DCLK1: variants seen among roughly 807,000 people sequenced by gnomAD.
DCLK1 encodes the protein serine/threonine-protein kinase DCLK1.
Under a neutral mutation model 86.2 loss-of-function variants are expected in DCLK1, and 16 were observed. The observed-to-expected ratio is 0.19, with a 90% CI of 0.13 to 0.28. The LOEUF (loss-of-function observed/expected upper bound fraction) is 0.28. Among genes scored for constraint, DCLK1 ranks in the 10% least tolerant of loss-of-function variants. DCLK1 has a pLI of 1.00. For synonymous variants in DCLK1, 369 were observed against 370.5 expected, an observed-to-expected ratio of 1.00 and a Z score of 0.05; for missense variants, 590 against 940.2, an observed-to-expected ratio of 0.63 and a Z score of 4.87.
At position 35,856,274 on chromosome 13, in the gene DCLK1, G is replaced by A. The variant is rs373219906; in HGVS notation, c.941-1681C>T. ...TCTTTGCTGAGTGAACTTCACGCTC[G>A]GACCTCATCACATTAGACTTCCTCA... On this transcript the variant is annotated intron_variant, in intron 5 of 16. Transcript: ENST00000360631. Among the ~76,000 whole-genome samples the A allele has an allele frequency of 7.5e-4, 114 of 152,216 alleles. 1 individual carries two copies. Among genetic ancestry groups the A allele is most frequent in the Non-Finnish European group, 1.4e-3 (96 of 68,026 alleles).
At chr13:36,114,172 G>A (rs1302192155) in intron 2 of DCLK1, among the ~76,000 whole-genome samples, 1 of 152,172 alleles carries the variant, frequency 6.6e-6, no homozygotes, top group African/African-American at 2.4e-5. Context: ...TAGCAACATG[G>A]AGTGAGTTTG....
At chr13:36,123,497 T>TTCAC (rs1440190635) in intron 2 of DCLK1, among the ~76,000 whole-genome samples, 1 of 152,256 alleles carries the variant, frequency 6.6e-6, no homozygotes, top group Non-Finnish European at 1.5e-5. Flanking sequence ...CGGCAGTTAC[T>TTCAC]TCACATTGAT....
At position 35,920,757 on chromosome 13, in the gene DCLK1, T is replaced by A. The variant is rs892454278; in HGVS notation, c.823+26601A>T. On this transcript the variant is annotated intron_variant, in intron 4 of 16. Transcript: ENST00000360631. Reference sequence around the variant, plus strand: ...GGGAGGTGCCGGGAGGAGGGACACCTGCTCTGGGGTCATCTCTAAGCAGCA... The same window carrying A: ...GGGAGGTGCCGGGAGGAGGGACACCAGCTCTGGGGTCATCTCTAAGCAGCA... 9.9e-5 allele frequency among the ~76,000 whole-genome samples: 15 copies of A among 152,094 alleles called. No individual in the cohort carries two copies. The East Asian group carries it at 2.9e-3, about 29-fold the overall frequency.
At chr13:35,853,851 A>C (rs1870847451) in intron 6 of DCLK1, among the ~76,000 whole-genome samples, 1 of 152,146 alleles carries the variant, frequency 6.6e-6, no homozygotes, top group South Asian at 2.1e-4. Context: ...AAAGACAAAC[A>C]GTACAGGTTG....
chr13:35,874,696 C>T (rs1217195525), intron 4 of DCLK1, among the ~76,000 whole-genome samples: 3 of 152,162 alleles, frequency 2.0e-5, no homozygotes, highest in Non-Finnish European at 2.9e-5. Flanking sequence ...ACATTAACAA[C>T]GTCAGAAAAT....
intron 4 of DCLK1, among the ~76,000 whole-genome samples, chr13:35,893,748 G>T (rs1386353365): frequency 6.6e-6 from 1 of 152,206 alleles, no homozygotes; most frequent in African/African-American, 2.4e-5. Context: ...CTGTGATGCT[G>T]CTGTGCTGCT....
At chr13:35,836,292 T>A (rs1456575356) in intron 7 of DCLK1, 151 bp from the exon 8 acceptor site, 1 of 645,846 alleles carries the variant, frequency 1.5e-6, no homozygotes, top group African/African-American at 1.8e-5. Flanking sequence ...TCCCCACCCT[T>A]GCTGACATTG....
intron 3 of DCLK1, among the ~76,000 whole-genome samples, chr13:35,949,478 A>G (rs996743360): frequency 1.3e-5 from 2 of 152,224 alleles, no homozygotes; most frequent in African/African-American, 4.8e-5. Context: ...TCTGCAGCTG[A>G]TAAATATTTC....
Position 36,083,712 on chromosome 13 carries a change from A to T in DCLK1, c.723+28157T>A, listed in dbSNP as rs138683380. On this transcript the variant is annotated intron_variant, in intron 3 of 16. Transcript: ENST00000360631. ...CCTTGAGTTTTCCCATTCATTTTTTAAAAATTTCAACAAATATTTATGGAA... is the reference window on the plus strand; with the variant it reads ...CCTTGAGTTTTCCCATTCATTTTTTTAAAATTTCAACAAATATTTATGGAA... 6.0e-3 allele frequency among the ~76,000 whole-genome samples: 909 copies of T among 152,312 alleles called. 8 individuals are homozygous for T. The highest frequency in any genetic ancestry group is 0.021 in the African/African-American group (855 of 41,568).
chr13:35,977,614 A>C (rs948678659), intron 3 of DCLK1, among the ~76,000 whole-genome samples: 11 of 152,084 alleles, frequency 7.2e-5, no homozygotes, highest in Admixed American at 6.6e-4. Context: ...ATTCCACACA[A>C]TACCTTGAAT....
At chr13:35,989,606 G>T (rs2153143455) in intron 3 of DCLK1, among the ~76,000 whole-genome samples, 1 of 151,768 alleles carries the variant, frequency 6.6e-6, no homozygotes, top group South Asian at 2.1e-4. Flanking sequence ...GCAGGGTCTT[G>T]CTTATAGCTC....
At chr13:35,893,966 A>G (rs1015851551) in intron 4 of DCLK1, among the ~76,000 whole-genome samples, 3 of 152,208 alleles carry the variant, frequency 2.0e-5, no homozygotes, top group Non-Finnish European at 4.4e-5. Context: ...CTGATGGTAC[A>G]ACATACATGA....
chr13:35,954,707 T>C (rs891669645), intron 3 of DCLK1, among the ~76,000 whole-genome samples: 1 of 152,116 alleles, frequency 6.6e-6, no homozygotes, highest in Non-Finnish European at 1.5e-5. Context: ...AAAGAATCTC[T>C]GGATCTTGGC....
At chr13:35,800,883 A>ATT (rs34873101) in intron 15 of DCLK1, among the ~76,000 whole-genome samples, 2,264 of 135,258 alleles carry the variant, frequency 0.017, 72 homozygotes, top group African/African-American at 0.06. Context: ...TGCTGGGCTA[A>ATT]TTTTTTTTTT....
In DCLK1 at chr13:36,068,601, A is replaced by G. The variant is rs137989385; in HGVS notation, c.723+43268T>C. Among the ~76,000 whole-genome samples the G allele has an allele frequency of 5.9e-3, 901 of 152,276 alleles. 9 individuals are homozygous for G. Among genetic ancestry groups the G allele is most frequent in the African/African-American group, 0.02 (850 of 41,572 alleles). ...AACAAATTCTCATAATTCTTTTCCA[A>G]AAATTCTATATTTAATAACTAGTTA... On this transcript the variant is annotated intron_variant, in intron 3 of 16. Transcript: ENST00000360631.
chr13:35,847,643 GAAAGAAAGA>G (rs1870295489), intron 6 of DCLK1: 1 of 933,720 alleles, frequency 1.1e-6, no homozygotes, highest in East Asian at 1.2e-4. Context: ...AAGAAAGAAA[GAAAGAAAGA>G]AAGAAAAAGA....
intron 4 of DCLK1, among the ~76,000 whole-genome samples, chr13:35,940,190 C>T (rs1489325503): frequency 1.4e-5 from 2 of 142,470 alleles, no homozygotes; most frequent in Admixed American, 7.3e-5. Context: ...CACTGCACTC[C>T]AGCCTGGGTG....
chr13:35,869,980 A>G (rs1872153179), intron 5 of DCLK1, among the ~76,000 whole-genome samples: 1 of 152,192 alleles, frequency 6.6e-6, no homozygotes, highest in Non-Finnish European at 1.5e-5. Flanking sequence ...ATGAGCTCTA[A>G]GCTTTGAGTC....
chr13:36,023,480 C>T (rs918074387), intron 3 of DCLK1, among the ~76,000 whole-genome samples: 6 of 152,160 alleles, frequency 3.9e-5, no homozygotes, highest in African/African-American at 1.4e-4. Flanking sequence ...GTCATTTGCT[C>T]TTTTCAGGTC....
Sources: gnomAD v4.1 joint callset for allele counts (sites outside exome capture counted in the v4.1 genomes callset) on GRCh38, gnomAD v4.1.1 for gene constraint, MANE v1.5 for transcripts, NCBI Gene and HGNC (gene_info 2026-07-23, HGNC 2026-07-21) for gene names.